HTR2A: variants seen among roughly 807,000 people sequenced by gnomAD.
HTR2A encodes the protein 5-HT2 receptor.
A neutral mutation model predicts 31.0 loss-of-function variants in HTR2A; 14 were observed. The ratio of observed to expected loss-of-function variants is 0.45; its 90% CI spans 0.30 to 0.71. The LOEUF is 0.71. Among genes scored for constraint, HTR2A ranks in the 30% least tolerant of loss-of-function variants. The probability of loss-of-function intolerance (pLI) is 0.09; values close to 1 mark genes in which losing one functional copy is unlikely to be tolerated. For synonymous variants in HTR2A, 209 were observed against 225.2 expected (o/e 0.93, Z 0.64); for missense variants, 442 against 573.3 (o/e 0.77, Z 2.34).
rs747666280 is a variant in HTR2A at position 46,848,391 on chromosome 13, A to G, written c.614-12752T>C. On this transcript the variant is annotated intron_variant, in intron 3 of 3. Coordinates refer to ENST00000542664, the MANE Select transcript of HTR2A (RefSeq NM_000621.5). Reference sequence around the variant, plus strand: ...TACAGATTTTTCTTGAAGAGATGAAATAGAGCTTAGCGATTATCTAAGGAA... The same window carrying G: ...TACAGATTTTTCTTGAAGAGATGAAGTAGAGCTTAGCGATTATCTAAGGAA... Among the ~76,000 whole-genome samples, 289 of 152,340 alleles carry G rather than the reference A, an allele frequency of 1.9e-3. 3 individuals carry two copies. Among genetic ancestry groups the G allele is most frequent in the Non-Finnish European group, 2.5e-3 (170 of 68,022 alleles).
At chr13:46,851,798 A>G (rs369142787) in intron 3 of HTR2A, among the ~76,000 whole-genome samples, 1 of 152,266 alleles carries the variant, frequency 6.6e-6, no homozygotes, top group Non-Finnish European at 1.5e-5. Context: ...TTTTGTAATC[A>G]GCAGAATAAT....
intron 3 of HTR2A, among the ~76,000 whole-genome samples, chr13:46,855,562 C>T (rs1950728999): frequency 6.6e-6 from 1 of 151,984 alleles, no homozygotes; most frequent in African/African-American, 2.4e-5. Flanking sequence ...CCTTATGCTT[C>T]CGGGACATTC....
At chr13:46,897,373 G>A (rs1951112995), upstream of HTR2A, among the ~76,000 whole-genome samples, 1 of 152,198 alleles carries the variant, frequency 6.6e-6, no homozygotes, top group Non-Finnish European at 1.5e-5. Context: ...AACAGTGTTT[G>A]TGTCCAGAGT....
At position 46,835,096 on chromosome 13, in the gene HTR2A, G is replaced by T. The variant is rs377018655; in HGVS notation, c.1157C>A (p.Thr386Asn). 1.9e-6 allele frequency: 3 copies of T among 1,614,066 alleles called. No individual in the cohort carries two copies. Among genetic ancestry groups the T allele is most frequent in the Non-Finnish European group, 2.5e-6 (3 of 1,179,980 alleles). Residue 386 changes from threonine to asparagine, a missense_variant, in exon 4 of 4, where the codon ACC (threonine) becomes AAC (asparagine). Around this residue, in one of 5 missense-constraint regions of HTR2A, gnomAD observed 11 missense variants for 31.3 expected, o/e 0.35. Coordinates refer to ENST00000542664, the MANE Select transcript of HTR2A (RefSeq NM_000621.5). The stretch of plus-strand genomic sequence containing the variant: ...ATACCGTGAAAAGGCTGACCTATAG[G>T]TCTTGTTGAACAGTGTGTAGACTAG... The part of the protein sequence containing the change: ...NPLVYTLFNK[T>N]YRSAFSRYIQ...
At chr13:46,854,367 C>T (rs1483203016) in intron 3 of HTR2A, 1 of 152,206 alleles carries the variant, frequency 6.6e-6, no homozygotes, top group African/African-American at 2.4e-5. Context: ...ATAGCACAAG[C>T]TTAGGTGTTC....
At chr13:46,882,238 AAG>A (rs367996850) in intron 3 of HTR2A, among the ~76,000 whole-genome samples, 2 of 151,678 alleles carry the variant, frequency 1.3e-5, no homozygotes, top group South Asian at 2.1e-4. Context: ...TTAAAAAAAA[AAG>A]AGAAAGTACT....
At chr13:46,841,832 A>G (rs1950599651) in intron 3 of HTR2A, among the ~76,000 whole-genome samples, 1 of 152,096 alleles carries the variant, frequency 6.6e-6, no homozygotes. Flanking sequence ...TTAAGAACCC[A>G]TCCACATCTC....
rs187130978 is a variant in HTR2A at position 46,860,407 on chromosome 13, C to G, written c.614-24768G>C. Reference sequence around the variant, plus strand: ...GCCTCAGATAGGGTAAACAGATGGGCAGGTCTGTGTGAACGTGTTTGTGTC... The same window carrying G: ...GCCTCAGATAGGGTAAACAGATGGGGAGGTCTGTGTGAACGTGTTTGTGTC... On this transcript the variant is annotated intron_variant, in intron 3 of 3. Transcript: ENST00000542664. Among the ~76,000 whole-genome samples the G allele has an allele frequency of 2.0e-5, 3 of 152,136 alleles. No homozygotes were observed. In the East Asian group the frequency reaches 5.8e-4, roughly 29 times the overall value.
chr13:46,866,166 T>C lies in HTR2A; in HGVS notation c.613+26224A>G, dbSNP rs148784206. Among the ~76,000 whole-genome samples the C allele has an allele frequency of 2.5e-3, 375 of 152,322 alleles. 2 individuals carry two copies. The highest frequency in any genetic ancestry group is 8.5e-3 in the African/African-American group (353 of 41,568). Reference sequence around the variant, plus strand: ...ATCAGCAGTCCTGACTTGGAGAGATTAGACTTCTGACAATTCCTGTTTATA... The same window carrying C: ...ATCAGCAGTCCTGACTTGGAGAGATCAGACTTCTGACAATTCCTGTTTATA... On this transcript the variant is annotated intron_variant, in intron 3 of 3. Transcript: ENST00000542664.
At chr13:46,836,641 G>A (rs1043592163) in intron 3 of HTR2A, among the ~76,000 whole-genome samples, 10 of 151,998 alleles carry the variant, frequency 6.6e-5, no homozygotes, top group South Asian at 2.1e-4. Context: ...CAGTGAACTC[G>A]TCACCCAGCT....
chr13:46,895,902 T>A lies in HTR2A; in HGVS notation c.5A>T (p.Asp2Val). The A allele has an allele frequency of 1.9e-6, 3 of 1,607,650 alleles. No homozygotes were observed. The highest frequency in any genetic ancestry group is 2.5e-6 in the Non-Finnish European group (3 of 1,176,724). MDILCEENTSLS... is the reference protein window; with the variant it reads MVILCEENTSLS... ...AGAAGTATTTTCTTCACAAAGAATA[T>A]CCATGTCTAAGCCAGAACTTGTAGC... is the stretch of plus-strand genomic sequence containing the variant. The change falls in exon 2 of 4, where the codon GAT becomes GTT. Residue 2 changes from aspartate (D) to valine (V), a missense_variant. Asp to Val is a radical substitution (Grantham distance 152). This residue lies in a region of HTR2A where 83 missense variants were observed against 84.8 expected (regional missense o/e 0.98). Coordinates refer to ENST00000542664, the MANE Select transcript of HTR2A (RefSeq NM_000621.5). This position sits in a 1 kb window ranked among gnomAD's most constrained non-coding sequence, Gnocchi z 4.4.
rs1374625917 is a variant in HTR2A at position 46,839,703 on chromosome 13, C to T, written c.614-4064G>A. 2.0e-5 allele frequency among the ~76,000 whole-genome samples: 3 copies of T among 152,276 alleles called. No homozygotes were observed. In the East Asian group the frequency reaches 5.8e-4, roughly 29 times the overall value. On this transcript the variant is annotated intron_variant, in intron 3 of 3. Transcript: ENST00000542664. ...TATCAGTATTAGATCCTCTATGTAG[C>T]ATTTTATTCATTTCCATTGAAACTC...
intron 3 of HTR2A, among the ~76,000 whole-genome samples, chr13:46,877,773 C>T (rs1420696945): frequency 6.6e-6 from 1 of 152,090 alleles, no homozygotes; most frequent in South Asian, 2.1e-4. Flanking sequence ...GGGCAAGTAC[C>T]TCATTTATAG....
At chr13:46,876,404 A>ATATATATAT (rs1325081559) in intron 3 of HTR2A, among the ~76,000 whole-genome samples, 2 of 71,282 alleles carry the variant, frequency 2.8e-5, no homozygotes, top group Non-Finnish European at 2.6e-5. Context: ...ATATATATAT[A>ATATATATAT]TTTTTTTTTT....
rs1376696499 is a variant in HTR2A, at chr13:46,895,934, G to A, written c.-28C>T. 1.9e-6 allele frequency: 3 copies of A among 1,580,778 alleles called. No individual in the cohort carries two copies. Among genetic ancestry groups the A allele is most frequent in the East Asian group, 2.2e-5 (1 of 44,664 alleles). On this transcript the variant is annotated 5_prime_UTR_variant, in exon 2 of 4. Coordinates refer to ENST00000542664, the MANE Select transcript of HTR2A (RefSeq NM_000621.5). The surrounding 1 kb of genome is among the most constrained non-coding windows in gnomAD (Gnocchi z 4.4). ...CTAAGCCAGAACTTGTAGCAGATGA[G>A]GTGTAGAAGGACTAACAGGTTATAG...
At chr13:46,892,254 ATGT>A in intron 3 of HTR2A, 133 bp downstream of exon 3, 3 of 793,752 alleles carry the variant, frequency 3.8e-6, no homozygotes, top group African/African-American at 1.7e-5. Flanking sequence ...GATAATTATG[ATGT>A]TGTAACATAT....
chr13:46,853,539 T>A (rs1950706215), intron 3 of HTR2A, among the ~76,000 whole-genome samples: 2 of 152,176 alleles, frequency 1.3e-5, no homozygotes. Flanking sequence ...TGAGGCCAAG[T>A]GTATCAGGCT....
At chr13:46,876,404 ATTTTTTTT>A (rs1156826300) in intron 3 of HTR2A, among the ~76,000 whole-genome samples, 11 of 71,282 alleles carry the variant, frequency 1.5e-4, no homozygotes, top group Middle Eastern at 9.4e-3. Context: ...ATATATATAT[ATTTTTTTT>A]TTTTTTTTTT....
chr13:46,876,022 C>G (rs1348505025), intron 3 of HTR2A, among the ~76,000 whole-genome samples: 1 of 152,124 alleles, frequency 6.6e-6, no homozygotes, highest in Non-Finnish European at 1.5e-5. Context: ...TATCTAATCA[C>G]AAATATCCCT....
Sources: gnomAD v4.1 joint callset for allele counts (sites outside exome capture counted in the v4.1 genomes callset) on GRCh38, gnomAD v4.1.1 for gene constraint, gnomAD v4.1.1 regional missense constraint, Gnocchi (gnomAD v3.1) non-coding constraint, MANE v1.5 for transcripts, NCBI Gene and HGNC (gene_info 2026-07-23, HGNC 2026-07-21) for gene names.